Variants in NALF1 observed in about 807,000 individuals in gnomAD.
The protein encoded by NALF1 is NALCN channel auxiliary factor 1, also known as family with sequence similarity 155 member A.
NALF1 carries 3 observed loss-of-function variants against 48.4 expected under a neutral mutation model. The ratio of observed to expected loss-of-function variants is 0.06; its 90% CI spans 0.03 to 0.16. The LOEUF (loss-of-function observed/expected upper bound fraction) is 0.16, where lower values mean the gene tolerates loss of function less well. Among genes scored for constraint, NALF1 ranks in the 10% least tolerant of loss-of-function variants. The pLI is 1.00. For synonymous variants in NALF1, 262 were observed against 245.7 expected, an observed-to-expected ratio of 1.07 and a Z score of -0.62; for missense variants, 526 against 571.5, an observed-to-expected ratio of 0.92 and a Z score of 0.81.
Position 107,866,558 on chromosome 13 carries a change from G to C in NALF1, c.39C>G (p.Asp13Glu). The change falls in exon 1 of 3, where the codon GAC (aspartate) becomes GAG (glutamate). Residue 13 changes from aspartate (D) to glutamate (E), a missense_variant. Asp to Glu is a conservative substitution (Grantham distance 45, BLOSUM62 2). Around this residue, in one of 2 missense-constraint regions of NALF1, gnomAD observed 373 missense variants for 355.5 expected, o/e 1.05. Transcript: ENST00000375915. The surrounding 1 kb of genome is among the most constrained non-coding windows in gnomAD (Gnocchi z 4.4). ...GTGCTGCCAACCAGATTTTTAAGCC[G>C]TCGTCATACTGCCGACACATCCAAG... Reference protein sequence around the residue: ...RGAWMCRQYDDGLKIWLAAPR... With the variant: ...RGAWMCRQYDEGLKIWLAAPR... The C allele has an allele frequency of 6.2e-7, 1 of 1,612,044 alleles. No homozygotes were observed. Among genetic ancestry groups the C allele is most frequent in the Non-Finnish European group, 8.5e-7 (1 of 1,179,920 alleles).
At position 107,665,173 on chromosome 13, in the gene NALF1, T is replaced by G. The variant is rs112541244; in HGVS notation, c.915+200509A>C. Among the ~76,000 whole-genome samples, 690 of 152,222 alleles carry G rather than the reference T, an allele frequency of 4.5e-3. 7 individuals carry two copies. The highest frequency in any genetic ancestry group is 0.015 in the African/African-American group (619 of 41,518). ...ACTCAAGATTAATTTTTTTCTTCTA[T>G]TTAGCACTGATATTCTGTAGAAGCC... On this transcript the variant is annotated intron_variant, in intron 1 of 2. Transcript: ENST00000375915.
At chr13:107,261,513 C>G (rs1418810731) in intron 1 of NALF1, among the ~76,000 whole-genome samples, 1 of 152,216 alleles carries the variant, frequency 6.6e-6, no homozygotes, top group Non-Finnish European at 1.5e-5. Context: ...TGATGATGGT[C>G]AAGTTCAAGG....
chr13:107,374,122 T>C (rs759164771), intron 1 of NALF1, among the ~76,000 whole-genome samples: 1 of 152,228 alleles, frequency 6.6e-6, no homozygotes, highest in Non-Finnish European at 1.5e-5. Context: ...TTATAAAGGA[T>C]GCATATTGTA....
In NALF1 at chr13:107,360,464, C is replaced by T. The variant is rs891173722; in HGVS notation, c.916-149709G>A. 4.6e-5 allele frequency among the ~76,000 whole-genome samples: 7 copies of T among 152,002 alleles called. No individual in the cohort carries two copies. In the South Asian group the frequency reaches 6.2e-4, roughly 14 times the overall value. On this transcript the variant is annotated intron_variant, in intron 1 of 2. Coordinates refer to ENST00000375915, the MANE Select transcript of NALF1 (RefSeq NM_001080396.3). ...AAATTGGTGGAGTCTTAGTTATTTGCCAAGTTCAGCCAATATCTTTTTAAT... is the reference window on the plus strand; with the variant it reads ...AAATTGGTGGAGTCTTAGTTATTTGTCAAGTTCAGCCAATATCTTTTTAAT...
At chr13:107,852,724 GC>G (rs1288225982) in intron 1 of NALF1, among the ~76,000 whole-genome samples, 1 of 152,030 alleles carries the variant, frequency 6.6e-6, no homozygotes, top group Non-Finnish European at 1.5e-5. Flanking sequence ...AGGTTGAAAA[GC>G]CCCTTGGAAA....
intron 1 of NALF1, among the ~76,000 whole-genome samples, chr13:107,816,315 C>T (rs1237844040): frequency 1.3e-5 from 2 of 152,104 alleles, no homozygotes; most frequent in Non-Finnish European, 2.9e-5. Flanking sequence ...AAGACATATA[C>T]GAGGCTGCGA....
Position 107,206,124 on chromosome 13 carries a change from T to C in NALF1, c.1087+4460A>G, listed in dbSNP as rs151317403. 5.5e-3 allele frequency among the ~76,000 whole-genome samples: 843 copies of C among 152,278 alleles called. 4 individuals are homozygous for C. The highest frequency in any genetic ancestry group is 0.019 in the African/African-American group (792 of 41,548). ...CAATAATGCCTAACATTAAATGACATGTTTCACCCTGACAGCACCTCAGAA... is the reference window on the plus strand; with the variant it reads ...CAATAATGCCTAACATTAAATGACACGTTTCACCCTGACAGCACCTCAGAA... On this transcript the variant is annotated intron_variant, in intron 2 of 2. Transcript: ENST00000375915.
intron 1 of NALF1, among the ~76,000 whole-genome samples, chr13:107,729,278 G>T (rs1334490761): frequency 6.6e-6 from 1 of 152,086 alleles, no homozygotes; most frequent in East Asian, 1.9e-4. Context: ...TTTACCATCT[G>T]ACAATTTATG....
intron 1 of NALF1, among the ~76,000 whole-genome samples, chr13:107,407,537 G>T (rs1358353948): frequency 6.6e-6 from 1 of 152,072 alleles, no homozygotes; most frequent in East Asian, 1.9e-4. Flanking sequence ...TCAGAGAAAT[G>T]CCAATCAAAA....
intron 1 of NALF1, among the ~76,000 whole-genome samples, chr13:107,517,858 C>A (rs139004232): frequency 6.6e-6 from 1 of 151,524 alleles, no homozygotes; most frequent in South Asian, 2.1e-4. Context: ...AGGGCTGAGG[C>A]GGAGAATCTC....
At chr13:107,573,293 A>G (rs1225099712) in intron 1 of NALF1, among the ~76,000 whole-genome samples, 1 of 152,170 alleles carries the variant, frequency 6.6e-6, no homozygotes, top group African/African-American at 2.4e-5. Context: ...TATCTTGTAC[A>G]TTTTGGTGTA....
intron 2 of NALF1, among the ~76,000 whole-genome samples, chr13:107,194,345 C>A (rs1879348316): frequency 6.6e-6 from 1 of 152,098 alleles, no homozygotes; most frequent in Non-Finnish European, 1.5e-5. Flanking sequence ...GTTATAGTTA[C>A]CAAAACAGCA....
rs527542740 is a variant in NALF1 at position 107,275,537 on chromosome 13, A to C, written c.916-64782T>G. On this transcript the variant is annotated intron_variant, in intron 1 of 2. Coordinates refer to ENST00000375915, the MANE Select transcript of NALF1 (RefSeq NM_001080396.3). ...GTAACAAATTACTCCAAAACTTCAC[A>C]GGTTGAGCAGTGATTTTTTTTTTCT... Among the ~76,000 whole-genome samples the C allele has an allele frequency of 2.0e-5, 3 of 151,228 alleles. No individual in the cohort carries two copies. The South Asian group carries it at 6.3e-4, about 32-fold the overall frequency.
intron 1 of NALF1, among the ~76,000 whole-genome samples, chr13:107,674,169 A>C (rs1195065109): frequency 2.0e-5 from 3 of 152,076 alleles, no homozygotes; most frequent in African/African-American, 7.2e-5. Flanking sequence ...AAAAAAAAAA[A>C]AGTCTAAACA....
At chr13:107,254,845 A>G (rs1401463438) in intron 1 of NALF1, among the ~76,000 whole-genome samples, 2 of 152,170 alleles carry the variant, frequency 1.3e-5, no homozygotes, top group Non-Finnish European at 2.9e-5. Flanking sequence ...TAGCCCATTG[A>G]CTTACAGCCC....
chr13:107,827,304 G>A (rs776190121), intron 1 of NALF1, among the ~76,000 whole-genome samples: 7 of 152,128 alleles, frequency 4.6e-5, no homozygotes, highest in Admixed American at 1.3e-4. Flanking sequence ...GATTTACTTA[G>A]CGTGTTTCTT....
At position 107,168,366 on chromosome 13, in the gene NALF1, G is replaced by A. The variant is rs1007680747; in HGVS notation, c.*2131C>T. 2.0e-5 allele frequency: 3 copies of A among 152,078 alleles called. No individual in the cohort carries two copies. Among genetic ancestry groups the A allele is most frequent in the East Asian group, 3.9e-4 (2 of 5,184 alleles). 9.4% of individuals were successfully genotyped at this position (152,078 alleles called of 1,614,324 possible). Reference sequence around the variant, plus strand: ...CAGTCAACAATTCCATGCAATTAATGTGTCTCCCCCGAGCCATTCACTTCC... The same window carrying A: ...CAGTCAACAATTCCATGCAATTAATATGTCTCCCCCGAGCCATTCACTTCC... On this transcript the variant is annotated 3_prime_UTR_variant, in exon 3 of 3. Coordinates refer to ENST00000375915, the MANE Select transcript of NALF1 (RefSeq NM_001080396.3).
At chr13:107,178,751 G>A (rs1332048318) in intron 2 of NALF1, among the ~76,000 whole-genome samples, 1 of 152,026 alleles carries the variant, frequency 6.6e-6, no homozygotes, top group Non-Finnish European at 1.5e-5. Flanking sequence ...AGACCATTCT[G>A]GTTTACACCG....
intron 1 of NALF1, among the ~76,000 whole-genome samples, chr13:107,533,091 T>C (rs775294224): frequency 6.6e-6 from 1 of 152,152 alleles, no homozygotes; most frequent in East Asian, 1.9e-4. Flanking sequence ...ATTTAACTCA[T>C]TCTACTAAAA....
Sources: allele counts gnomAD v4.1 joint callset (sites outside exome capture counted in the v4.1 genomes callset), GRCh38; gene constraint gnomAD v4.1.1; regional missense constraint gnomAD v4.1.1; non-coding constraint Gnocchi (gnomAD v3.1); transcripts MANE v1.5; gene names NCBI Gene and HGNC (gene_info 2026-07-23, HGNC 2026-07-21).